Variants in TMEM232 observed in about 807,000 individuals in gnomAD.
TMEM232 encodes transmembrane protein 232.
Under a neutral mutation model 78.8 loss-of-function variants are expected in TMEM232, and 80 were observed. The ratio of observed to expected loss-of-function variants is 1.01; its 90% CI spans 0.85 to 1.22. The LOEUF (loss-of-function observed/expected upper bound fraction) is 1.22. Among genes scored for constraint, TMEM232 ranks in the 50% most tolerant of loss-of-function variants. The pLI is 0.00. For missense variants in TMEM232, 881 were observed against 742.2 expected, an observed-to-expected ratio of 1.19 and a Z score of -2.17; for synonymous variants, 297 against 254.3, an observed-to-expected ratio of 1.17 and a Z score of -1.60.
chr5:110,504,496 A>G (rs1395722049), intron 12 of TMEM232, among the ~76,000 whole-genome samples: 1 of 152,216 alleles, frequency 6.6e-6, no homozygotes, highest in Non-Finnish European at 1.5e-5. Context: ...ACATAGAGAG[A>G]GGAATTGACT....
intron 7 of TMEM232, among the ~76,000 whole-genome samples, chr5:110,622,919 C>G (rs536677612): frequency 6.6e-6 from 1 of 151,596 alleles, no homozygotes; most frequent in Middle Eastern, 3.2e-3. Context: ...GTGCAGCACA[C>G]CAGCATGGCA....
In TMEM232 at chr5:110,605,271, CAT is replaced by C. The variant is rs747124137; in HGVS notation, c.1112_1113del (p.Tyr371CysfsTer5). The C allele has an allele frequency of 4.3e-5, 67 of 1,551,146 alleles. No individual in the cohort carries two copies. Among genetic ancestry groups the C allele is most frequent in the Non-Finnish European group, 5.7e-5 (65 of 1,146,740 alleles). ...GTTTTTCGCAAATCAGAAGTGGCTGCATACAAGCAGATTTCTGCAAGAATTAC... is the reference window on the plus strand; with the variant it reads ...GTTTTTCGCAAATCAGAAGTGGCTGCACAAGCAGATTTCTGCAAGAATTAC... ...YTVILAEICL[Y>X]AATSDLRKTA... On this transcript the variant is annotated frameshift_variant, in exon 10 of 14. Transcript: ENST00000455884. LOFTEE classifies it high-confidence loss of function.
intron 1 of TMEM232, among the ~76,000 whole-genome samples, chr5:110,668,847 T>A (rs979122850): frequency 6.6e-6 from 1 of 152,166 alleles, no homozygotes; most frequent in Non-Finnish European, 1.5e-5. Flanking sequence ...CTCAACTGCC[T>A]GGAAACTGAA....
At chr5:110,420,864 T>G in intron 13 of TMEM232, 108 bp from the exon 14 acceptor site, 2 of 1,385,018 alleles carry the variant, frequency 1.4e-6, no homozygotes, top group Middle Eastern at 2.3e-4. Flanking sequence ...TTCAGGTTTT[T>G]TCCATGACAT....
intron 10 of TMEM232, among the ~76,000 whole-genome samples, chr5:110,573,371 G>T (rs960733025): frequency 6.6e-6 from 1 of 152,046 alleles, no homozygotes; most frequent in African/African-American, 2.4e-5. Flanking sequence ...TAATTCAAAT[G>T]TAGAATGTGG....
chr5:110,538,664 CA>C (rs1464024722), intron 11 of TMEM232, among the ~76,000 whole-genome samples: 1 of 152,108 alleles, frequency 6.6e-6, no homozygotes, highest in East Asian at 1.9e-4. Flanking sequence ...TTCAGTCAGG[CA>C]AAACTCTAGC....
At chr5:110,399,916 G>T (rs1050144685) in intron 2 of TMEM232, among the ~76,000 whole-genome samples, 1 of 152,090 alleles carries the variant, frequency 6.6e-6, no homozygotes, top group African/African-American at 2.4e-5. Context: ...GCTGATGTTT[G>T]ACAGGACACC....
In TMEM232 at chr5:110,537,288, T is replaced by C. The variant is rs1307412099; in HGVS notation, c.1456-8453A>G. 2.1e-5 allele frequency among the ~76,000 whole-genome samples: 3 copies of C among 142,150 alleles called. No individual in the cohort carries two copies. The South Asian group carries it at 6.3e-4, about 30-fold the overall frequency. The allele number at this position is 142,150 out of a possible 152,430, so 93.3% of individuals were successfully genotyped here. A position where few individuals can be genotyped will look rare whatever the true frequency, so the allele number is the denominator to read the frequency against. On this transcript the variant is annotated intron_variant, in intron 11 of 13. Coordinates refer to ENST00000455884, the MANE Select transcript of TMEM232 (RefSeq NM_001039763.4). ...TCTAAAGAGAAAACTTATATATATA[T>C]ATATTTTTTTTTTTCTGCAATGCTG...
At chr5:110,703,832 G>A (rs1431414012) in intron 1 of TMEM232, among the ~76,000 whole-genome samples, 1 of 151,934 alleles carries the variant, frequency 6.6e-6, no homozygotes, top group African/African-American at 2.4e-5. Context: ...TGCATTGGTG[G>A]AATGAACAAA....
At chr5:110,736,812 A>C (rs1330567280) in intron 1 of TMEM232, among the ~76,000 whole-genome samples, 1 of 151,824 alleles carries the variant, frequency 6.6e-6, no homozygotes, top group Non-Finnish European at 1.5e-5. Context: ...TCTGGCACCT[A>C]GCCTCCTTTC....
chr5:110,591,035 T>C (rs1466356583), intron 10 of TMEM232, among the ~76,000 whole-genome samples: 1 of 152,114 alleles, frequency 6.6e-6, no homozygotes, highest in African/African-American at 2.4e-5. Context: ...CGGAGGAGAT[T>C]TGGGTGGGAA....
At chr5:110,702,679 G>A (rs928383107) in intron 1 of TMEM232, among the ~76,000 whole-genome samples, 8 of 151,942 alleles carry the variant, frequency 5.3e-5, no homozygotes, top group Admixed American at 1.3e-4. Flanking sequence ...AGACACTCCC[G>A]GAAAATGCTG....
chr5:110,459,476 C>T (rs1482886281), intron 12 of TMEM232, among the ~76,000 whole-genome samples: 1 of 151,746 alleles, frequency 6.6e-6, no homozygotes, highest in Non-Finnish European at 1.5e-5. Context: ...GAGAGCATGC[C>T]TATAGGCCAT....
chr5:110,613,787 T>C (rs896118066), intron 8 of TMEM232, among the ~76,000 whole-genome samples: 1 of 152,114 alleles, frequency 6.6e-6, no homozygotes, highest in African/African-American at 2.4e-5. Context: ...CTGGTTTTAT[T>C]TTGGTAATTA....
intron 11 of TMEM232, among the ~76,000 whole-genome samples, chr5:110,537,678 A>T (rs1351510578): frequency 5.9e-5 from 9 of 152,206 alleles, no homozygotes; most frequent in African/African-American, 2.2e-4. Context: ...AAAGGAGAAC[A>T]TCGTATTAAC....
chr5:110,410,630 C>T (rs1280444172), intron 2 of TMEM232, among the ~76,000 whole-genome samples: 1 of 152,098 alleles, frequency 6.6e-6, no homozygotes, highest in Admixed American at 6.5e-5. Flanking sequence ...TATTCCTTTC[C>T]AATAACAATA....
intron 1 of TMEM232, among the ~76,000 whole-genome samples, chr5:110,695,082 C>G (rs1172517838): frequency 6.6e-6 from 1 of 152,168 alleles, no homozygotes; most frequent in Non-Finnish European, 1.5e-5. Context: ...TGTAAAAGAA[C>G]AGAAATTATA....
intron 11 of TMEM232, among the ~76,000 whole-genome samples, chr5:110,532,007 C>T (rs1304548101): frequency 1.3e-5 from 2 of 152,174 alleles, no homozygotes; most frequent in Non-Finnish European, 2.9e-5. Context: ...CTTGCCTCCA[C>T]TGTGAGACAA....
intron 11 of TMEM232, among the ~76,000 whole-genome samples, chr5:110,552,167 C>G (rs1203726606): frequency 2.6e-5 from 4 of 151,888 alleles, no homozygotes; most frequent in African/African-American, 9.7e-5. Context: ...TCTAAAGTTC[C>G]AGAATTTTCA....
Sources: gnomAD v4.1 joint callset for allele counts (sites outside exome capture counted in the v4.1 genomes callset) on GRCh38, gnomAD v4.1.1 for gene constraint, MANE v1.5 for transcripts, NCBI Gene and HGNC (gene_info 2026-07-23, HGNC 2026-07-21) for gene names.